The following ST6GALNAC3 variants were observed in gnomAD, a reference collection of about 807,000 sequenced individuals.
The protein encoded by ST6GALNAC3 is alpha-N-acetylgalactosaminide alpha-2,6-sialyltransferase 3.
Under a neutral mutation model 32.7 loss-of-function variants are expected in ST6GALNAC3, and 25 were observed. The observed-to-expected ratio is 0.76, with a 90% CI of 0.56 to 1.07. The LOEUF is 1.07. ST6GALNAC3 is among the 50% of genes least tolerant of loss of function. The pLI is 0.00. For synonymous variants in ST6GALNAC3, 129 were observed against 133.1 expected, an observed-to-expected ratio of 0.97 and a Z score of 0.21; for missense variants, 355 against 382.4, an observed-to-expected ratio of 0.93 and a Z score of 0.60.
intron 1 of ST6GALNAC3, among the ~76,000 whole-genome samples, chr1:76,232,198 T>G (rs770674831): frequency 6.6e-6 from 1 of 152,208 alleles, no homozygotes; most frequent in African/African-American, 2.4e-5. Flanking sequence ...GAAACATCAG[T>G]AACCAACAAT....
chr1:76,456,501 A>G (rs1450989874), intron 3 of ST6GALNAC3, among the ~76,000 whole-genome samples: 1 of 152,014 alleles, frequency 6.6e-6, no homozygotes, highest in Non-Finnish European at 1.5e-5. Flanking sequence ...GTTTCACCAC[A>G]TCTGGCTAAT....
chr1:76,393,897 C>T (rs937606049), intron 2 of ST6GALNAC3, among the ~76,000 whole-genome samples: 1 of 152,042 alleles, frequency 6.6e-6, no homozygotes, highest in African/African-American at 2.4e-5. Flanking sequence ...AACTACTATA[C>T]TTTACTAAGA....
intron 1 of ST6GALNAC3, among the ~76,000 whole-genome samples, chr1:76,083,490 G>A (rs779167404): frequency 1.3e-5 from 2 of 152,232 alleles, no homozygotes; most frequent in Non-Finnish European, 2.9e-5. Context: ...GAAGACTGTG[G>A]GGTGCAGAGG....
chr1:76,614,428 A>T (rs1394710189), intron 3 of ST6GALNAC3, among the ~76,000 whole-genome samples: 1 of 152,174 alleles, frequency 6.6e-6, no homozygotes, highest in East Asian at 1.9e-4. Context: ...TTAAAAATTT[A>T]ATAAATACCA....
At chr1:76,255,992 T>G (rs1657896652) in intron 1 of ST6GALNAC3, among the ~76,000 whole-genome samples, 1 of 147,094 alleles carries the variant, frequency 6.8e-6, no homozygotes, top group Admixed American at 6.8e-5. Flanking sequence ...ATTAAATAAT[T>G]TTTTCAAAAG....
intron 3 of ST6GALNAC3, among the ~76,000 whole-genome samples, chr1:76,522,633 A>G (rs1338180245): frequency 6.6e-6 from 1 of 152,170 alleles, no homozygotes; most frequent in Non-Finnish European, 1.5e-5. Context: ...ATTATTTTGT[A>G]TAGATTCTAT....
intron 1 of ST6GALNAC3, among the ~76,000 whole-genome samples, chr1:76,289,882 A>G (rs1659981295): frequency 6.6e-6 from 1 of 152,180 alleles, no homozygotes; most frequent in South Asian, 2.1e-4. Flanking sequence ...CTAGTCATGA[A>G]GGGAACAGAG....
intron 3 of ST6GALNAC3, among the ~76,000 whole-genome samples, chr1:76,592,859 G>C (rs1319122406): frequency 6.6e-6 from 1 of 152,202 alleles, no homozygotes; most frequent in Non-Finnish European, 1.5e-5. Context: ...CAGAGGAGAG[G>C]ATGTGTGCCT....
intron 3 of ST6GALNAC3, among the ~76,000 whole-genome samples, chr1:76,578,463 A>G (rs1263015470): frequency 1.3e-5 from 2 of 152,024 alleles, no homozygotes; most frequent in South Asian, 2.1e-4. Context: ...TAGAGTATTA[A>G]GATGGATTCT....
intron 2 of ST6GALNAC3, among the ~76,000 whole-genome samples, chr1:76,382,742 A>G (rs1282753558): frequency 1.3e-5 from 2 of 152,206 alleles, no homozygotes; most frequent in Non-Finnish European, 2.9e-5. Context: ...ATAAATAAAA[A>G]GGAAAAATAT....
intron 2 of ST6GALNAC3, among the ~76,000 whole-genome samples, chr1:76,321,559 AT>A (rs770611706): frequency 5.9e-5 from 9 of 152,226 alleles, no homozygotes; most frequent in Non-Finnish European, 1.0e-4. Context: ...TCAGTAACTC[AT>A]CTTTAAACAA....
At chr1:76,275,496 C>T (rs1659085187) in intron 1 of ST6GALNAC3, among the ~76,000 whole-genome samples, 1 of 152,172 alleles carries the variant, frequency 6.6e-6, no homozygotes, top group African/African-American at 2.4e-5. Flanking sequence ...CTGGTCATTG[C>T]TTATCTGTCA....
At chr1:76,538,902 T>C (rs1367418873) in intron 3 of ST6GALNAC3, among the ~76,000 whole-genome samples, 4 of 152,118 alleles carry the variant, frequency 2.6e-5, no homozygotes, top group Non-Finnish European at 2.9e-5. Flanking sequence ...TCCCTCCTCA[T>C]GGGTAGGAAG....
At chr1:76,104,920 A>G (rs12034205) in intron 1 of ST6GALNAC3, among the ~76,000 whole-genome samples, 1 of 152,282 alleles carries the variant, frequency 6.6e-6, no homozygotes, top group East Asian at 1.9e-4. Context: ...ATTCACTATC[A>G]TGAAAACAAC....
chr1:76,282,618 T>C (rs960748140), intron 1 of ST6GALNAC3, among the ~76,000 whole-genome samples: 2 of 152,208 alleles, frequency 1.3e-5, no homozygotes, highest in African/African-American at 2.4e-5. Flanking sequence ...ATCAGCTTTA[T>C]TGTGATTTTT....
At chr1:76,318,962 G>A (rs1430168345) in intron 2 of ST6GALNAC3, among the ~76,000 whole-genome samples, 2 of 152,122 alleles carry the variant, frequency 1.3e-5, no homozygotes, top group African/African-American at 4.8e-5. Context: ...AGTTGCCTAT[G>A]AGGGACTCAG....
At chr1:76,566,154 G>A (rs1448758481) in intron 3 of ST6GALNAC3, among the ~76,000 whole-genome samples, 3 of 152,174 alleles carry the variant, frequency 2.0e-5, no homozygotes, top group Non-Finnish European at 2.9e-5. Context: ...ACATCAACCA[G>A]CAAGTATTTC....
intron 3 of ST6GALNAC3, among the ~76,000 whole-genome samples, chr1:76,464,548 C>T (rs1658499551): frequency 6.6e-6 from 1 of 152,016 alleles, no homozygotes; most frequent in African/African-American, 2.4e-5. Context: ...ACCACCAGTC[C>T]CCACTTTGTG....
At chr1:76,157,116 T>A (rs1651500090) in intron 1 of ST6GALNAC3, among the ~76,000 whole-genome samples, 1 of 151,734 alleles carries the variant, frequency 6.6e-6, no homozygotes. Flanking sequence ...TGCTGCTTTA[T>A]AAGCTCTCAG....
Sources: gnomAD v4.1 joint callset for allele counts (sites outside exome capture counted in the v4.1 genomes callset) on GRCh38, gnomAD v4.1.1 for gene constraint, MANE v1.5 for transcripts, NCBI Gene and HGNC (gene_info 2026-07-23, HGNC 2026-07-21) for gene names.